The following KCNK2 variants were observed in gnomAD, a reference collection of about 807,000 sequenced individuals.
The protein encoded by KCNK2 is potassium channel subfamily K member 2.
KCNK2 carries 21 observed loss-of-function variants against 40.5 expected under a neutral mutation model. That is an observed-to-expected ratio of 0.52 (90% CI 0.37 to 0.75). KCNK2 has a LOEUF of 0.75. KCNK2 is among the 30% of genes least tolerant of loss of function. The probability of loss-of-function intolerance (pLI) is 0.00; values close to 1 mark genes in which losing one functional copy is unlikely to be tolerated. For missense variants in KCNK2, 399 were observed against 531.6 expected, an observed-to-expected ratio of 0.75 and a Z score of 2.45; for synonymous variants, 191 against 202.2, an observed-to-expected ratio of 0.94 and a Z score of 0.47.
chr1:215,199,752 C>T (rs547359495), intron 6 of KCNK2, among the ~76,000 whole-genome samples: 1 of 152,294 alleles, frequency 6.6e-6, no homozygotes, highest in East Asian at 1.9e-4. Context: ...TACAATAATA[C>T]TGCTACCTGA....
chr1:215,193,285 T>C (rs1169194417), intron 5 of KCNK2, among the ~76,000 whole-genome samples: 1 of 152,100 alleles, frequency 6.6e-6, no homozygotes, highest in Non-Finnish European at 1.5e-5. Flanking sequence ...GGCAAATCCA[T>C]GCTCTGTTTA....
At chr1:215,055,634 A>C in intron 1 of KCNK2, among the ~76,000 whole-genome samples, 1 of 152,200 alleles carries the variant, frequency 6.6e-6, no homozygotes, top group Non-Finnish European at 1.5e-5. Flanking sequence ...GAATAAAGAG[A>C]AAGTTTTCTA....
chr1:215,070,298 C>T (rs1385164688), intron 1 of KCNK2, among the ~76,000 whole-genome samples: 2 of 151,232 alleles, frequency 1.3e-5, no homozygotes, highest in Non-Finnish European at 2.9e-5. Context: ...CACCTGTAGT[C>T]CCAGCTACTT....
At chr1:215,068,294 G>A (rs1257745748) in intron 1 of KCNK2, among the ~76,000 whole-genome samples, 2 of 152,092 alleles carry the variant, frequency 1.3e-5, no homozygotes, top group African/African-American at 4.8e-5. Context: ...AAGACATGTG[G>A]AGTTAAGATT....
At chr1:215,180,889 T>C (rs1217796655) in intron 5 of KCNK2, among the ~76,000 whole-genome samples, 2 of 152,194 alleles carry the variant, frequency 1.3e-5, no homozygotes, top group African/African-American at 4.8e-5. Context: ...ATTTCTTGTA[T>C]CTGAATGTCA....
At chr1:215,227,654 G>C (rs76427509) in intron 6 of KCNK2, among the ~76,000 whole-genome samples, 1 of 152,114 alleles carries the variant, frequency 6.6e-6, no homozygotes, top group African/African-American at 2.4e-5. Context: ...TGGCGGCTGC[G>C]TGGAGAATGC....
chr1:215,106,175 A>C (rs1660431943), intron 2 of KCNK2, among the ~76,000 whole-genome samples: 1 of 152,150 alleles, frequency 6.6e-6, no homozygotes, highest in Non-Finnish European at 1.5e-5. Flanking sequence ...ACTGCTTTCC[A>C]CGGTGACTGA....
intron 1 of KCNK2, among the ~76,000 whole-genome samples, chr1:215,085,797 A>G (rs1418966134): frequency 6.6e-6 from 1 of 152,242 alleles, no homozygotes; most frequent in Admixed American, 6.5e-5. Flanking sequence ...ATTTACCACC[A>G]TGTTTTACCA....
Position 215,192,078 on chromosome 1 carries a change from A to G in KCNK2, c.824-2875A>G, listed in dbSNP as rs562306308. On this transcript the variant is annotated intron_variant, in intron 5 of 6. Coordinates refer to ENST00000444842, the MANE Select transcript of KCNK2 (RefSeq NM_001017425.3). Reference sequence around the variant, plus strand: ...AGAAGTTTTTTAAAAGGTATTTCCTAATTTATTCCTAATTTAAAAATAAAA... The same window carrying G: ...AGAAGTTTTTTAAAAGGTATTTCCTGATTTATTCCTAATTTAAAAATAAAA... 2.6e-5 allele frequency among the ~76,000 whole-genome samples: 4 copies of G among 152,336 alleles called. No individual in the cohort carries two copies. The East Asian group carries it at 7.7e-4, about 29-fold the overall frequency.
chr1:215,009,031 C>G (rs1485966605), intron 1 of KCNK2, among the ~76,000 whole-genome samples: 2 of 152,062 alleles, frequency 1.3e-5, no homozygotes, highest in Non-Finnish European at 2.9e-5. Flanking sequence ...TGGTATATAA[C>G]CATGTCTAAT....
intron 1 of KCNK2, among the ~76,000 whole-genome samples, chr1:215,007,023 ATATATATATATATATGTGTG>A (rs1656155403): frequency 7.7e-5 from 2 of 25,846 alleles, no homozygotes; most frequent in African/African-American, 1.6e-4. Flanking sequence ...ATATATATAT[ATATATATATATATATGTGTG>A]TGTGTGTATA....
rs188758356 is a variant in KCNK2, at chr1:215,208,118, A to G, written c.963+13026A>G. ...TCACAATAGCAAAGACATGGAATCAATGTAACTGCCCATCAATGACAGAAT... is the reference window on the plus strand; with the variant it reads ...TCACAATAGCAAAGACATGGAATCAGTGTAACTGCCCATCAATGACAGAAT... On this transcript the variant is annotated intron_variant, in intron 6 of 6. Coordinates refer to ENST00000444842, the MANE Select transcript of KCNK2 (RefSeq NM_001017425.3). Among the ~76,000 whole-genome samples, 145 of 152,304 alleles carry G rather than the reference A, an allele frequency of 9.5e-4. 1 individual carries two copies. Among genetic ancestry groups the G allele is most frequent in the Non-Finnish European group, 1.2e-3 (82 of 68,030 alleles).
intron 3 of KCNK2, among the ~76,000 whole-genome samples, chr1:215,165,468 T>A (rs1347836936): frequency 6.6e-6 from 1 of 152,164 alleles, no homozygotes; most frequent in East Asian, 1.9e-4. Context: ...TGCATTAACC[T>A]GGCTATTAAA....
At chr1:215,233,713 G>C (rs935124268) in intron 6 of KCNK2, among the ~76,000 whole-genome samples, 4 of 152,182 alleles carry the variant, frequency 2.6e-5, no homozygotes, top group Non-Finnish European at 4.4e-5. Context: ...TAAGAAATGA[G>C]TTCAGTGGGT....
chr1:215,038,878 A>C (rs1657471101), intron 1 of KCNK2, among the ~76,000 whole-genome samples: 1 of 152,066 alleles, frequency 6.6e-6, no homozygotes, highest in South Asian at 2.1e-4. Context: ...AAGGTCATTT[A>C]CATAAAAATG....
At chr1:215,078,081 C>T (rs1247398682), upstream of KCNK2, among the ~76,000 whole-genome samples, 1 of 152,178 alleles carries the variant, frequency 6.6e-6, no homozygotes, top group Non-Finnish European at 1.5e-5. Context: ...CTTGGCCTCA[C>T]ATAAAATACA....
chr1:215,224,420 G>T (rs957315336), intron 6 of KCNK2, among the ~76,000 whole-genome samples: 1 of 152,108 alleles, frequency 6.6e-6, no homozygotes, highest in East Asian at 1.9e-4. Context: ...AAAGTATTAA[G>T]AAGTACTGCT....
chr1:215,179,735 T>A (rs755791470), intron 5 of KCNK2, among the ~76,000 whole-genome samples: 1 of 152,162 alleles, frequency 6.6e-6, no homozygotes, highest in Non-Finnish European at 1.5e-5. Flanking sequence ...ATGGTTGGTA[T>A]GCTTTTAATT....
Position 215,172,075 on chromosome 1 carries a change from G to A in KCNK2, c.715G>A (p.Ala239Thr), listed in dbSNP as rs777578516. 1 of 1,613,278 alleles carries A rather than the reference G, an allele frequency of 6.2e-7. No homozygotes were observed. Among genetic ancestry groups the A allele is most frequent in the Admixed American group, 1.7e-5 (1 of 59,882 alleles). ...FILFGCVLFV[A>T]LPAIIFKHIE... The stretch of plus-strand genomic sequence containing the variant: ...ACTATTTGGCTGTGTACTCTTTGTG[G>A]CTCTGCCTGCGATCATATTCAAACA... The change falls in exon 5 of 7, where the codon GCT becomes ACT. Residue 239 changes from alanine to threonine, a missense_variant. This residue lies in a region of KCNK2 where 279 missense variants were observed against 353.8 expected (regional missense o/e 0.79). Transcript: ENST00000444842.
Sources: gnomAD v4.1 joint callset for allele counts (sites outside exome capture counted in the v4.1 genomes callset) on GRCh38, gnomAD v4.1.1 for gene constraint, gnomAD v4.1.1 regional missense constraint, MANE v1.5 for transcripts, NCBI Gene and HGNC (gene_info 2026-07-23, HGNC 2026-07-21) for gene names.